USP39: variants seen among roughly 807,000 people sequenced by gnomAD.
USP39 encodes ubiquitin carboxyl-terminal hydrolase 39.
A neutral mutation model predicts 66.4 loss-of-function variants in USP39; 38 were observed. That is an observed-to-expected ratio of 0.57 (90% CI 0.44 to 0.75). The LOEUF (loss-of-function observed/expected upper bound fraction) is 0.75. Among genes scored for constraint, USP39 ranks in the 30% least tolerant of loss-of-function variants. USP39 has a pLI of 0.00. For missense variants in USP39, 608 were observed against 714.4 expected, an observed-to-expected ratio of 0.85 and a Z score of 1.70; for synonymous variants, 303 against 274.6, an observed-to-expected ratio of 1.10 and a Z score of -1.02.
chr2:85,633,439 A>T (rs1053645005), intron 6 of USP39, among the ~76,000 whole-genome samples: 2 of 152,066 alleles, frequency 1.3e-5, no homozygotes, highest in Non-Finnish European at 2.9e-5. Flanking sequence ...AAGGCTTTTA[A>T]CAAAGATGTG....
intron 1 of USP39, among the ~76,000 whole-genome samples, chr2:85,618,775 T>C (rs1200340088): frequency 6.6e-6 from 1 of 151,998 alleles, no homozygotes; most frequent in Non-Finnish European, 1.5e-5. Context: ...TTTTTTCTTT[T>C]CTTTTTTTTT....
intron 6 of USP39, among the ~76,000 whole-genome samples, chr2:85,635,549 G>A (rs1675700174): frequency 6.6e-6 from 1 of 152,002 alleles, no homozygotes; most frequent in African/African-American, 2.4e-5. Context: ...GACAGAGTGA[G>A]ACTCTGTCTC....
chr2:85,639,239 G>A lies in USP39; in HGVS notation c.1132G>A (p.Glu378Lys). Residue 378 changes from glutamate to lysine, a missense_variant, in exon 9 of 13, where the codon GAG becomes AAG. Physicochemically the swap from Glu to Lys is moderately conservative, Grantham distance 56. Transcript: ENST00000323701. Reference sequence around the variant, plus strand: ...AAAAGAGCAGTTGCTCCATAATGACGAGTACCAGGAGACAATGGTGGAGTC... The same window carrying A: ...AAAAGAGCAGTTGCTCCATAATGACAAGTACCAGGAGACAATGGTGGAGTC... Reference protein sequence around the residue: ...EEKEQLLHNDEYQETMVESTF... With the variant: ...EEKEQLLHNDKYQETMVESTF... The A allele has an allele frequency of 7.4e-6, 12 of 1,613,210 alleles. No individual in the cohort carries two copies. Among genetic ancestry groups the A allele is most frequent in the South Asian group, 1.1e-5 (1 of 90,944 alleles).
In USP39 at chr2:85,630,759, G is replaced by A; in HGVS notation, c.762G>A (p.Leu254=). 1 of 1,614,128 alleles carries A rather than the reference G, an allele frequency of 6.2e-7. No homozygotes were observed. The highest frequency in any genetic ancestry group is 1.1e-5 in the South Asian group (1 of 91,086). The stretch of plus-strand genomic sequence containing the variant: ...TTCCTCCTCTCCGGAACTACTTTCT[G>A]GAAGAAGACAATTATAAGAACATCA... ...SNVPPLRNYF[L]EEDNYKNIKR... Residue 254 remains leucine, a synonymous_variant, in exon 6 of 13, where the codon CTG becomes CTA. Transcript: ENST00000323701.
At chr2:85,619,998 G>T (rs1298640434) in intron 2 of USP39, among the ~76,000 whole-genome samples, 1 of 151,982 alleles carries the variant, frequency 6.6e-6, no homozygotes, top group Non-Finnish European at 1.5e-5. Flanking sequence ...GGGATTACAG[G>T]TGCCCGCCAC....
At chr2:85,605,425 TCTC>T (rs1240748486) in intron 1 of USP39, among the ~76,000 whole-genome samples, 3 of 152,144 alleles carry the variant, frequency 2.0e-5, no homozygotes, top group Non-Finnish European at 4.4e-5. Context: ...CAGTGCAAAT[TCTC>T]CTGCCTCTGA....
chr2:85,603,786 G>T (rs1212154516), intron 1 of USP39, among the ~76,000 whole-genome samples: 2 of 151,874 alleles, frequency 1.3e-5, no homozygotes, highest in Non-Finnish European at 2.9e-5. Flanking sequence ...GTAGAGACGG[G>T]GTTTCACCAT....
At chr2:85,615,818 C>CG (rs1358160129), upstream of USP39, among the ~76,000 whole-genome samples, 3 of 152,010 alleles carry the variant, frequency 2.0e-5, no homozygotes, top group East Asian at 1.9e-4. Context: ...TTAGTAGAGA[C>CG]GGGGTTTCTC....
chr2:85,644,893 C>G, intron 10 of USP39, 55 bp from the exon 11 acceptor site: 1 of 1,607,112 alleles, frequency 6.2e-7, no homozygotes, highest in Non-Finnish European at 8.5e-7. Flanking sequence ...AGGACAGTTT[C>G]CTTAACCTCA....
At position 85,648,929 on chromosome 2, in the gene USP39, G is replaced by T; in HGVS notation, c.*121G>T. 4 of 1,177,818 alleles carry T rather than the reference G, an allele frequency of 3.4e-6. No homozygotes were observed. The highest frequency in any genetic ancestry group is 5.0e-6 in the Non-Finnish European group (4 of 807,616). The allele number at this position is 1,177,818 out of a possible 1,614,324, so 73.0% of individuals were successfully genotyped here. Reference sequence around the variant, plus strand: ...TCCTAGGCCAGCCCAGCTTGTATGGGTTCTGGCTACACCAGAGCACCAAGA... The same window carrying T: ...TCCTAGGCCAGCCCAGCTTGTATGGTTTCTGGCTACACCAGAGCACCAAGA... On this transcript the variant is annotated 3_prime_UTR_variant, in exon 13 of 13. Coordinates refer to ENST00000323701, the MANE Select transcript of USP39 (RefSeq NM_006590.4).
chr2:85,611,670 C>A, upstream of USP39: 1 of 1,560,174 alleles, frequency 6.4e-7, no homozygotes, highest in Non-Finnish European at 8.7e-7. Flanking sequence ...GGCCTCACCT[C>A]GGTGTCGCGG....
chr2:85,633,746 AACAG>A (rs1675547509), intron 6 of USP39, among the ~76,000 whole-genome samples: 1 of 152,012 alleles, frequency 6.6e-6, no homozygotes, highest in Non-Finnish European at 1.5e-5. Flanking sequence ...CAGCCTGGAC[AACAG>A]AGTGAGACCT....
chr2:85,641,815 G>C (rs1036955436), intron 10 of USP39, among the ~76,000 whole-genome samples: 1 of 151,210 alleles, frequency 6.6e-6, no homozygotes, highest in Non-Finnish European at 1.5e-5. Flanking sequence ...GAGGCAGGAG[G>C]ATGGCTAGAA....
chr2:85,646,920 C>CT (rs1178216536), intron 11 of USP39, among the ~76,000 whole-genome samples: 1 of 142,426 alleles, frequency 7.0e-6, no homozygotes, highest in African/African-American at 2.7e-5. Flanking sequence ...CAGAGTCTCA[C>CT]CCTATCACCC....
rs375214943 is a variant in USP39 at position 85,625,704 on chromosome 2, C to T, written c.723+13C>T. 71 of 1,608,426 alleles carry T rather than the reference C, an allele frequency of 4.4e-5. No individual in the cohort carries two copies. The highest frequency in any genetic ancestry group is 5.4e-5 in the African/African-American group (4 of 74,738). ...CGCTGTCCTTCAGGTAAGATCAAGA[C>T]GGGAACATTGAGGAAGAGAAGGACA... is the stretch of plus-strand genomic sequence containing the variant. On this transcript the variant is annotated intron_variant, in intron 5 of 12. Coordinates refer to ENST00000323701, the MANE Select transcript of USP39 (RefSeq NM_006590.4).
At chr2:85,631,775 G>C (rs975050172) in intron 6 of USP39, among the ~76,000 whole-genome samples, 2 of 151,938 alleles carry the variant, frequency 1.3e-5, no homozygotes, top group Non-Finnish European at 2.9e-5. Flanking sequence ...TTGAGACCGA[G>C]TCTTGCTTCA....
chr2:85,608,616 A>G (rs1673304846), upstream of USP39: 5 of 213,466 alleles, frequency 2.3e-5, no homozygotes, highest in Admixed American at 1.7e-4. Flanking sequence ...CCTCGGTGAG[A>G]AAGCACCATG....
intron 5 of USP39, among the ~76,000 whole-genome samples, chr2:85,630,130 C>T (rs540477387): frequency 2.1e-4 from 32 of 151,988 alleles, no homozygotes; most frequent in Middle Eastern, 3.4e-3. Context: ...CACACTCTTT[C>T]CCCCAAGTCC....
chr2:85,615,383 A>G (rs1241593590), upstream of USP39, among the ~76,000 whole-genome samples: 1 of 152,184 alleles, frequency 6.6e-6, no homozygotes, highest in Non-Finnish European at 1.5e-5. Flanking sequence ...GAACGGTTCA[A>G]ACAAGCAAAC....
Sources: gnomAD v4.1 joint callset for allele counts (sites outside exome capture counted in the v4.1 genomes callset) on GRCh38, gnomAD v4.1.1 for gene constraint, MANE v1.5 for transcripts, NCBI Gene and HGNC (gene_info 2026-07-23, HGNC 2026-07-21) for gene names.